The following MGAT4C variants were observed in gnomAD, a reference collection of about 807,000 sequenced individuals.
MGAT4C encodes the protein alpha-1,3-mannosyl-glycoprotein 4-beta-N-acetylglucosaminyltransferase C.
MGAT4C carries 19 observed loss-of-function variants against 40.1 expected under a neutral mutation model. The observed-to-expected ratio is 0.47, with a 90% confidence interval of 0.33 to 0.70. The LOEUF is 0.70. MGAT4C is among the 30% of genes least tolerant of loss of function. MGAT4C has a pLI of 0.02. For missense variants in MGAT4C, 491 were observed against 563.2 expected, an observed-to-expected ratio of 0.87 and a Z score of 1.30; for synonymous variants, 181 against 187.1, an observed-to-expected ratio of 0.97 and a Z score of 0.27.
At chr12:86,803,355 G>T (rs1411113098) in intron 1 of MGAT4C, among the ~76,000 whole-genome samples, 3 of 151,770 alleles carry the variant, frequency 2.0e-5, no homozygotes, top group Non-Finnish European at 4.4e-5. Flanking sequence ...ATAGGCATGG[G>T]AAAGGACTTC....
intron 3 of MGAT4C, among the ~76,000 whole-genome samples, chr12:86,403,927 A>C (rs1014310723): frequency 1.3e-5 from 2 of 152,228 alleles, no homozygotes; most frequent in African/African-American, 4.8e-5. Flanking sequence ...TGAAGCAATG[A>C]AATTCTGTAA....
At chr12:86,181,269 T>A (rs1888090807) in intron 1 of MGAT4C, among the ~76,000 whole-genome samples, 1 of 152,136 alleles carries the variant, frequency 6.6e-6, no homozygotes, top group Non-Finnish European at 1.5e-5. Flanking sequence ...TGGTTATGTC[T>A]TTTTTAGCAG....
chr12:86,761,478 A>G (rs1951405223), intron 1 of MGAT4C, among the ~76,000 whole-genome samples: 1 of 152,210 alleles, frequency 6.6e-6, no homozygotes, highest in African/African-American at 2.4e-5. Flanking sequence ...TGGATGTATT[A>G]ATTTCCTATT....
At chr12:86,305,591 G>A (rs1410228134) in intron 4 of MGAT4C, among the ~76,000 whole-genome samples, 1 of 149,732 alleles carries the variant, frequency 6.7e-6, no homozygotes, top group African/African-American at 2.5e-5. Context: ...TCATTCGTTG[G>A]TATCCATGTG....
At chr12:86,590,098 T>TAAAAC (rs75177684) in intron 2 of MGAT4C, among the ~76,000 whole-genome samples, 13,848 of 151,492 alleles carry the variant, frequency 0.091, 805 homozygotes, top group Middle Eastern at 0.23. Context: ...CTGTGTGAAT[T>TAAAAC]AAAACAAAAC....
chr12:86,559,974 T>C (rs1959788800), intron 2 of MGAT4C, among the ~76,000 whole-genome samples: 1 of 151,878 alleles, frequency 6.6e-6, no homozygotes, highest in Non-Finnish European at 1.5e-5. Context: ...AAAGAGACTT[T>C]AAATCACAGA....
intron 2 of MGAT4C, among the ~76,000 whole-genome samples, chr12:86,558,587 C>G (rs1472569796): frequency 3.3e-5 from 5 of 151,860 alleles, no homozygotes; most frequent in African/African-American, 1.2e-4. Context: ...AAAATTTTTC[C>G]CAGACAAACA....
At chr12:86,811,316 T>C (rs1239573826) in intron 1 of MGAT4C, among the ~76,000 whole-genome samples, 1 of 150,522 alleles carries the variant, frequency 6.6e-6, no homozygotes, top group Non-Finnish European at 1.5e-5. Flanking sequence ...CTAATTGATG[T>C]TCACCAAGGC....
chr12:86,784,365 C>T (rs910830199), intron 1 of MGAT4C, among the ~76,000 whole-genome samples: 1 of 152,038 alleles, frequency 6.6e-6, no homozygotes, highest in Admixed American at 6.6e-5. Context: ...TCCTTCATTA[C>T]TCTTGTATTT....
At chr12:86,730,784 C>T (rs141962294) in intron 1 of MGAT4C, among the ~76,000 whole-genome samples, 13 of 152,096 alleles carry the variant, frequency 8.5e-5, no homozygotes, top group African/African-American at 2.6e-4. Flanking sequence ...GACAATTTAA[C>T]GCAGAATCTA....
intron 2 of MGAT4C, among the ~76,000 whole-genome samples, chr12:86,544,917 G>A (rs892070070): frequency 3.3e-5 from 5 of 151,978 alleles, no homozygotes; most frequent in Non-Finnish European, 7.4e-5. Flanking sequence ...CTGCTTTTAT[G>A]TTCACCATGC....
At chr12:86,361,846 G>A (rs529843527) in intron 3 of MGAT4C, among the ~76,000 whole-genome samples, 2 of 152,344 alleles carry the variant, frequency 1.3e-5, no homozygotes, top group South Asian at 4.1e-4. Context: ...ACAGGTGCTG[G>A]AGAAAATGTG....
intron 3 of MGAT4C, among the ~76,000 whole-genome samples, chr12:86,367,430 T>C (rs1955620237): frequency 6.6e-6 from 1 of 152,090 alleles, no homozygotes; most frequent in African/African-American, 2.4e-5. Context: ...CAACTCTCCC[T>C]CCCAGATAAG....
At chr12:86,336,187 T>C (rs991413363) in intron 3 of MGAT4C, among the ~76,000 whole-genome samples, 2 of 152,188 alleles carry the variant, frequency 1.3e-5, no homozygotes, top group Non-Finnish European at 2.9e-5. Flanking sequence ...GTTTTCCAAG[T>C]ATTTTTTATT....
At chr12:86,838,244 A>G (rs1209392549) in intron 1 of MGAT4C, among the ~76,000 whole-genome samples, 2 of 152,212 alleles carry the variant, frequency 1.3e-5, no homozygotes, top group Non-Finnish European at 2.9e-5. Flanking sequence ...AAATACAAGC[A>G]TTTGAGACAA....
In MGAT4C at chr12:85,971,367, T is replaced by C. The variant is rs1883614835; in HGVS notation, c.*7922A>G. 1 of 151,162 alleles carries C rather than the reference T, an allele frequency of 6.6e-6. No individual in the cohort carries two copies. The highest frequency in any genetic ancestry group is 1.5e-5 in the Non-Finnish European group (1 of 67,296). 9.4% of individuals were successfully genotyped at this position (151,162 alleles called of 1,614,324 possible). ...TTGCTAGGAAACAAATATTACAAAA[T>C]ATGTTGTTAACTTTTCAAAGATGAT... On this transcript the variant is annotated 3_prime_UTR_variant, in exon 5 of 5. Transcript: ENST00000611864.
At chr12:86,160,607 A>G (rs1417867777) in intron 1 of MGAT4C, among the ~76,000 whole-genome samples, 1 of 152,010 alleles carries the variant, frequency 6.6e-6, no homozygotes, top group Non-Finnish European at 1.5e-5. Flanking sequence ...TCAAGTGTCA[A>G]GTTGAAGTCT....
At chr12:86,337,619 A>AT (rs1441789947) in intron 3 of MGAT4C, among the ~76,000 whole-genome samples, 1 of 151,782 alleles carries the variant, frequency 6.6e-6, no homozygotes. Context: ...TGGGAAGTGA[A>AT]TGTTATAATT....
chr12:86,700,966 T>G lies in MGAT4C; in HGVS notation c.-229+26243A>C, dbSNP rs199826126. On this transcript the variant is annotated intron_variant, in intron 2 of 7. Coordinates refer to the MGAT4C transcript ENST00000548651. Reference sequence around the variant, plus strand: ...ATTTTATCAAAATATAATGTAAACTTTTCCAAGAAATATAAATGCAATAAG... The same window carrying G: ...ATTTTATCAAAATATAATGTAAACTGTTCCAAGAAATATAAATGCAATAAG... 2.0e-5 allele frequency among the ~76,000 whole-genome samples: 3 copies of G among 152,088 alleles called. No individual in the cohort carries two copies. In the East Asian group the frequency reaches 5.8e-4, roughly 29 times the overall value.
Sources: allele counts gnomAD v4.1 joint callset (sites outside exome capture counted in the v4.1 genomes callset), GRCh38; gene constraint gnomAD v4.1.1; transcripts MANE v1.5; gene names NCBI Gene and HGNC (gene_info 2026-07-23, HGNC 2026-07-21).